PLD5: variants seen among roughly 807,000 people sequenced by gnomAD.
The protein encoded by PLD5 is phospholipase D family member 5, also known as inactive phospholipase D5.
In PLD5, 36 loss-of-function variants were observed where a neutral mutation model predicts 61.1. The ratio of observed to expected loss-of-function variants is 0.59; its 90% CI spans 0.45 to 0.78. PLD5 has a LOEUF of 0.78. Ranked by LOEUF, PLD5 falls within the 30% of genes least tolerant of loss-of-function variation. The pLI is 0.00. For synonymous variants in PLD5, 243 were observed against 242.8 expected (o/e 1.00, Z -0.01); for missense variants, 515 against 644.4 (o/e 0.80, Z 2.17).
intron 5 of PLD5, among the ~76,000 whole-genome samples, chr1:242,144,120 T>G (rs143041108): frequency 0.014 from 2,167 of 152,218 alleles, 26 homozygotes; most frequent in Non-Finnish European, 0.023. Flanking sequence ...CTGCCCACCT[T>G]GGCCTCCCAA....
intron 5 of PLD5, among the ~76,000 whole-genome samples, chr1:242,165,013 C>CT (rs1459454176): frequency 6.6e-6 from 1 of 152,096 alleles, no homozygotes; most frequent in African/African-American, 2.4e-5. Context: ...CTTACAAAAG[C>CT]TTTTCCCTAA....
intron 1 of PLD5, among the ~76,000 whole-genome samples, chr1:242,378,214 C>G (rs1446081219): frequency 6.6e-6 from 1 of 152,152 alleles, no homozygotes; most frequent in African/African-American, 2.4e-5. Flanking sequence ...CATGCCACAA[C>G]GAGTGAACCT....
At position 242,175,047 on chromosome 1, in the gene PLD5, A is replaced by T. The variant is rs185001800; in HGVS notation, c.735+44941T>A. On this transcript the variant is annotated intron_variant, in intron 5 of 9. Coordinates refer to ENST00000536534, the MANE Select transcript of PLD5 (RefSeq NM_001372062.1). Reference sequence around the variant, plus strand: ...CCTAGAACTTAAAGTATAATAATAAAAAAAAACTATTCCAAACAATAGAAA... The same window carrying T: ...CCTAGAACTTAAAGTATAATAATAATAAAAAACTATTCCAAACAATAGAAA... Among the ~76,000 whole-genome samples the T allele has an allele frequency of 1.8e-3, 268 of 152,172 alleles. 4 individuals are homozygous for T. The highest frequency in any genetic ancestry group is 5.5e-3 in the African/African-American group (227 of 41,538).
Position 242,137,847 on chromosome 1 carries a change from AG to A in PLD5, c.736-13183del, listed in dbSNP as rs972889811. On this transcript the variant is annotated intron_variant, in intron 5 of 9. Transcript: ENST00000536534. ...TAATGCCACTGAATGTGGGGGAAAA[AG>A]AAAAGAAAAGGCCAGATGCTTTGTT... 1.7e-3 allele frequency among the ~76,000 whole-genome samples: 259 copies of A among 151,866 alleles called. 1 individual carries two copies. Among genetic ancestry groups the A allele is most frequent in the African/African-American group, 5.4e-3 (223 of 41,394 alleles).
intron 7 of PLD5, among the ~76,000 whole-genome samples, chr1:242,108,510 A>T (rs971536103): frequency 1.3e-5 from 2 of 151,872 alleles, no homozygotes; most frequent in African/African-American, 4.8e-5. Context: ...TTCTGCGTGC[A>T]TTTTCTACCA....
At chr1:242,214,597 A>T (rs1670029593) in intron 5 of PLD5, among the ~76,000 whole-genome samples, 1 of 152,148 alleles carries the variant, frequency 6.6e-6, no homozygotes, top group African/African-American at 2.4e-5. Flanking sequence ...TTTTTCCACC[A>T]ACACTGGAGA....
intron 1 of PLD5, among the ~76,000 whole-genome samples, chr1:242,433,693 T>A (rs1665844202): frequency 6.6e-6 from 1 of 152,192 alleles, no homozygotes; most frequent in African/African-American, 2.4e-5. Flanking sequence ...AAATATGTAC[T>A]ATGTCCGATG....
chr1:242,462,490 C>T (rs374969774), intron 1 of PLD5, among the ~76,000 whole-genome samples: 1 of 151,628 alleles, frequency 6.6e-6, no homozygotes, highest in Non-Finnish European at 1.5e-5. Flanking sequence ...GAGGAACGGG[C>T]GTGGGTTGAA....
intron 1 of PLD5, among the ~76,000 whole-genome samples, chr1:242,409,819 G>T (rs1664447023): frequency 6.6e-6 from 1 of 152,164 alleles, no homozygotes; most frequent in Non-Finnish European, 1.5e-5. Context: ...ACACACCTGG[G>T]GATATGTGGG....
At chr1:242,502,253 C>G (rs1323593372) in intron 1 of PLD5, among the ~76,000 whole-genome samples, 2 of 152,092 alleles carry the variant, frequency 1.3e-5, no homozygotes, top group African/African-American at 4.8e-5. Flanking sequence ...CTGTGCTTGC[C>G]CCTAGATTTA....
rs1167007490 is a variant in PLD5, at chr1:242,088,842, A to G, written c.*1012T>C. The G allele has an allele frequency of 2.0e-5, 3 of 152,926 alleles. No homozygotes were observed. The highest frequency in any genetic ancestry group is 4.4e-5 in the Non-Finnish European group (3 of 68,558). 9.5% of individuals were successfully genotyped at this position (152,926 alleles called of 1,614,324 possible). ...AAGCATTTGGTATATTAAATAGCAGAAGGTATATTAAATAGCTCTAGAAAC... is the reference window on the plus strand; with the variant it reads ...AAGCATTTGGTATATTAAATAGCAGGAGGTATATTAAATAGCTCTAGAAAC... On this transcript the variant is annotated 3_prime_UTR_variant, in exon 10 of 10. Transcript: ENST00000536534.
chr1:242,268,275 A>T (rs1345032994), intron 3 of PLD5, among the ~76,000 whole-genome samples: 1 of 152,102 alleles, frequency 6.6e-6, no homozygotes, highest in Non-Finnish European at 1.5e-5. Flanking sequence ...AGTTGTTTGT[A>T]TTTTTCCCTT....
chr1:242,146,548 C>T (rs2636260), intron 5 of PLD5, among the ~76,000 whole-genome samples: 90,276 of 151,964 alleles, frequency 0.59, 27,495 homozygotes, highest in African/African-American at 0.72. Context: ...GTTTTTTTCA[C>T]AGCATGCCAT....
chr1:242,117,389 T>C (rs370251922), intron 6 of PLD5, among the ~76,000 whole-genome samples: 19,853 of 146,124 alleles, frequency 0.14, 1,614 homozygotes, highest in Non-Finnish European at 0.19. Context: ...TCCATGAATT[T>C]TTTTTTTTTT....
At chr1:242,194,566 ATATC>A (rs201221980) in intron 5 of PLD5, among the ~76,000 whole-genome samples, 1,437 of 123,990 alleles carry the variant, frequency 0.012, 13 homozygotes, top group Non-Finnish European at 0.018. Context: ...AGCTATCTCT[ATATC>A]TATCTATCTA....
At chr1:242,226,850 C>T (rs778123927) in intron 4 of PLD5, among the ~76,000 whole-genome samples, 8 of 151,994 alleles carry the variant, frequency 5.3e-5, no homozygotes, top group Non-Finnish European at 5.9e-5. Context: ...ACCAAAATAT[C>T]GTACTTTATT....
intron 1 of PLD5, among the ~76,000 whole-genome samples, chr1:242,452,455 G>T (rs1242514959): frequency 6.6e-6 from 1 of 152,156 alleles, no homozygotes. Context: ...AAGTTCTGGA[G>T]AGTGAGAAGC....
intron 2 of PLD5, among the ~76,000 whole-genome samples, chr1:242,309,368 T>C (rs12084321): frequency 0.3 from 45,344 of 150,720 alleles, 7,833 homozygotes; most frequent in African/African-American, 0.47. Context: ...GCAATCTTGA[T>C]GTAGACTAAG....
chr1:242,350,853 A>G (rs1475750129), intron 1 of PLD5, among the ~76,000 whole-genome samples: 4 of 151,298 alleles, frequency 2.6e-5, no homozygotes. Context: ...TTATTCTTTT[A>G]CCCTAGACCC....
Sources: allele counts gnomAD v4.1 joint callset (sites outside exome capture counted in the v4.1 genomes callset), GRCh38; gene constraint gnomAD v4.1.1; transcripts MANE v1.5; gene names NCBI Gene and HGNC (gene_info 2026-07-23, HGNC 2026-07-21).